The following FRK variants were observed in gnomAD, a reference collection of about 807,000 sequenced individuals.
FRK encodes the protein tyrosine-protein kinase FRK.
Under a neutral mutation model 56.4 loss-of-function variants are expected in FRK, and 51 were observed. That is an observed-to-expected ratio of 0.90 (90% CI 0.72 to 1.14). The LOEUF (loss-of-function observed/expected upper bound fraction) is 1.14. Among genes scored for constraint, FRK ranks in the 50% most tolerant of loss-of-function variants. The pLI is 0.00. For missense variants in FRK, 570 were observed against 601.4 expected (o/e 0.95, Z 0.55); for synonymous variants, 245 against 217.9 (o/e 1.12, Z -1.10).
At chr6:116,074,414 T>C in the FRK span, among the ~76,000 whole-genome samples, 1 of 152,190 alleles carries the variant, frequency 6.6e-6, no homozygotes, top group Non-Finnish European at 1.5e-5. Flanking sequence ...TAATGAAATA[T>C]GCCATGCTTC....
At chr6:116,091,352 G>A in the FRK span, among the ~76,000 whole-genome samples, 1 of 152,158 alleles carries the variant, frequency 6.6e-6, no homozygotes, top group Non-Finnish European at 1.5e-5. Context: ...ATAAAAGCTG[G>A]CCACCCCAGC....
intron 1 of FRK, chr6:116,038,887 C>A: frequency 1.7e-6 from 1 of 576,160 alleles, no homozygotes; most frequent in East Asian, 4.4e-5. Flanking sequence ...GCACTCTCCC[C>A]ACTGCCTATA....
At chr6:116,002,362 T>C (rs1389346728) in intron 2 of FRK, among the ~76,000 whole-genome samples, 2 of 152,202 alleles carry the variant, frequency 1.3e-5, no homozygotes, top group Non-Finnish European at 2.9e-5. Flanking sequence ...CTCACGCCTG[T>C]AATCCCAGCA....
At chr6:115,958,692 G>GA (rs1451994725) in intron 4 of FRK, among the ~76,000 whole-genome samples, 23 of 15,068 alleles carry the variant, frequency 1.5e-3, no homozygotes, top group Admixed American at 2.8e-3. Flanking sequence ...AAGAAAGAAA[G>GA]AAAGAAAGAA....
the FRK span, among the ~76,000 whole-genome samples, chr6:116,079,585 T>C: frequency 6.6e-6 from 1 of 152,154 alleles, no homozygotes; most frequent in Non-Finnish European, 1.5e-5. Context: ...TTTATTATAT[T>C]GTTTAATAAA....
chr6:115,968,569 TTTTC>T lies in FRK; in HGVS notation c.630+3_630+6del. On this transcript the variant is annotated splice_donor_5th_base_variant and intron_variant, in intron 3 of 7. Transcript: ENST00000606080. ...AATAAAAAAACACAGCTTGAAAGCATTTTCACCTTTAAGCATGGTTTCCCCAGCT... is the reference window on the plus strand; with the variant it reads ...AATAAAAAAACACAGCTTGAAAGCATACCTTTAAGCATGGTTTCCCCAGCT... 1.2e-6 allele frequency: 2 copies of T among 1,605,896 alleles called. No homozygotes were observed. Among genetic ancestry groups the T allele is most frequent in the Non-Finnish European group, 1.7e-6 (2 of 1,177,240 alleles).
At position 116,060,159 on chromosome 6, in the gene FRK, A is replaced by G; in HGVS notation, c.153T>C (p.Phe51=). ...CCTCAGCAGTCCGAGCCTGGTAATC[A>G]AACAAAGCCACAAAGTAGTGGCCAT... ...QRHGHYFVAL[F]DYQARTAEDL... The change falls in exon 1 of 8, where the codon TTT becomes TTC. Residue 51 remains phenylalanine (F), a synonymous_variant. Coordinates refer to ENST00000606080, the MANE Select transcript of FRK (RefSeq NM_002031.3). 6.2e-7 allele frequency: 1 copy of G among 1,614,212 alleles called. No individual in the cohort carries two copies. The highest frequency in any genetic ancestry group is 2.2e-5 in the East Asian group (1 of 44,880).
intron 3 of FRK, 58 bp downstream of exon 3, chr6:115,968,518 A>C: frequency 6.4e-7 from 1 of 1,566,864 alleles, no homozygotes; most frequent in Non-Finnish European, 8.7e-7. Flanking sequence ...AAATACTCAG[A>C]TATCTGAAGG....
Position 115,936,943 on chromosome 6 carries a change from A to T in FRK, c.*5471T>A, listed in dbSNP as rs996457404. On this transcript the variant is annotated 3_prime_UTR_variant, in exon 8 of 8. Transcript: ENST00000606080. ...GAGAACATCCCCAACCTAGCAAGAC[A>T]GGTCAACATTCAAATTAAGGAAATA... 1 of 152,220 alleles carries T rather than the reference A, an allele frequency of 6.6e-6. No individual in the cohort carries two copies. The highest frequency in any genetic ancestry group is 1.5e-5 in the Non-Finnish European group (1 of 68,062). 9.4% of individuals were successfully genotyped at this position (152,220 alleles called of 1,614,324 possible).
chr6:115,967,715 T>A lies in FRK; in HGVS notation c.635A>T (p.Gln212Leu), dbSNP rs1773641913. Residue 212 changes from glutamine to leucine, a missense_variant, in exon 4 of 8, where the codon CAG becomes CTG. Transcript: ENST00000606080. ...VKLGKPCLKIQVPAPFDLSYK... is the reference protein window; with the variant it reads ...VKLGKPCLKILVPAPFDLSYK... The stretch of plus-strand genomic sequence containing the variant: ...CGACAAATCAAATGGAGCTGGGACC[T>A]GGATCTGTTTCATAGAATAATAAGA... The A allele has an allele frequency of 1.3e-6, 2 of 1,592,450 alleles. No individual in the cohort carries two copies. Among genetic ancestry groups the A allele is most frequent in the South Asian group, 1.1e-5 (1 of 87,614 alleles).
chr6:115,956,443 T>C lies in FRK; in HGVS notation c.958+9A>G, dbSNP rs1383541299. On this transcript the variant is annotated intron_variant, in intron 5 of 7. Coordinates refer to ENST00000606080, the MANE Select transcript of FRK (RefSeq NM_002031.3). Reference sequence around the variant, plus strand: ...CTCTTTTTTTCCTTGTATTAAGTCTTTAGCTTACTTTGGAGATATTCTTGC... The same window carrying C: ...CTCTTTTTTTCCTTGTATTAAGTCTCTAGCTTACTTTGGAGATATTCTTGC... The C allele has an allele frequency of 1.3e-6, 2 of 1,506,218 alleles. No homozygotes were observed. Among genetic ancestry groups the C allele is most frequent in the African/African-American group, 1.4e-5 (1 of 71,452 alleles). The allele number at this position is 1,506,218 out of a possible 1,614,324, so 93.3% of individuals were successfully genotyped here.
intron 1 of FRK, chr6:116,039,543 G>T: frequency 9.8e-7 from 1 of 1,022,764 alleles, no homozygotes; most frequent in Non-Finnish European, 1.6e-6. Flanking sequence ...GGACTAAGCA[G>T]CCCAGAAGCC....
the FRK span, among the ~76,000 whole-genome samples, chr6:116,094,040 C>A: frequency 6.6e-6 from 1 of 152,174 alleles, no homozygotes; most frequent in African/African-American, 2.4e-5. Flanking sequence ...CTCAGACAAA[C>A]AAACCTTGGT....
Position 116,003,937 on chromosome 6 carries a change from T to C in FRK, c.406A>G (p.Lys136Glu), listed in dbSNP as rs1305412124. 1 of 1,613,454 alleles carries C rather than the reference T, an allele frequency of 6.2e-7. No individual in the cohort carries two copies. Among genetic ancestry groups the C allele is most frequent in the African/African-American group, 1.3e-5 (1 of 75,030 alleles). The change falls in exon 2 of 8, where the codon AAG (lysine) becomes GAG (glutamate). Residue 136 changes from lysine (K) to glutamate (E), a missense_variant. By Grantham distance (56) the Lys-to-Glu change is moderately conservative. Transcript: ENST00000606080. ...TCTCTGATTAGAAAGGAACCGGTCT[T>C]GTTTTCTGAATATAATAGTTGTTTC... ...AEKQLLYSEN[K>E]TGSFLIRESE...
intron 1 of FRK, among the ~76,000 whole-genome samples, chr6:116,029,966 T>C (rs972464307): frequency 6.6e-6 from 1 of 152,206 alleles, no homozygotes; most frequent in African/African-American, 2.4e-5. Flanking sequence ...CCAGATCCTA[T>C]TTATTTTCTA....
intron 1 of FRK, among the ~76,000 whole-genome samples, chr6:116,026,508 G>A (rs1197761816): frequency 1.6e-5 from 2 of 124,786 alleles, no homozygotes; most frequent in Admixed American, 1.8e-4. Context: ...AGGAAGGAAG[G>A]AAGGAGGGAG....
rs180989691 is a variant in FRK at position 116,012,639 on chromosome 6, A to G, written c.345-8641T>C. 4.5e-4 allele frequency among the ~76,000 whole-genome samples: 68 copies of G among 152,354 alleles called. 1 individual carries two copies. The highest frequency in any genetic ancestry group is 1.6e-3 in the African/African-American group (67 of 41,588). Reference sequence around the variant, plus strand: ...GCTGTTAAATAAATACTTGTTGATGAAACATTAATACATTGTACTTCAATT... The same window carrying G: ...GCTGTTAAATAAATACTTGTTGATGGAACATTAATACATTGTACTTCAATT... On this transcript the variant is annotated intron_variant, in intron 1 of 7. Coordinates refer to ENST00000606080, the MANE Select transcript of FRK (RefSeq NM_002031.3).
rs568423726 is a variant in FRK, at chr6:116,054,375, C to A, written c.344+5593G>T. Among the ~76,000 whole-genome samples the A allele has an allele frequency of 6.1e-5, 9 of 146,762 alleles. No individual in the cohort carries two copies. The East Asian group carries it at 1.8e-3, about 29-fold the overall frequency. On this transcript the variant is annotated intron_variant, in intron 1 of 7. Coordinates refer to ENST00000606080, the MANE Select transcript of FRK (RefSeq NM_002031.3). ...TGATTAATCCAAAACACTTGATAAA[C>A]AACCATATGTATATTTATAGTGTAT...
chr6:115,956,605 T>C lies in FRK; in HGVS notation c.805A>G (p.Met269Val), dbSNP rs200172011. 2.1e-5 allele frequency: 32 copies of C among 1,550,606 alleles called. No homozygotes were observed. The highest frequency in any genetic ancestry group is 1.6e-4 in the Admixed American group (8 of 50,530). The change falls in exon 5 of 8, where the codon ATG becomes GTG. Residue 269 changes from methionine to valine, a missense_variant. Physicochemically the swap from Met to Val is conservative, Grantham distance 21. Transcript: ENST00000606080. ...VAVKTLKPGS[M>V]DPNDFLREAQ... Reference sequence around the variant, plus strand: ...TCCCTCAGGAAGTCATTTGGATCCATTGAACCTGAAACAAGAAGAGGGAGA... The same window carrying C: ...TCCCTCAGGAAGTCATTTGGATCCACTGAACCTGAAACAAGAAGAGGGAGA...
Sources: gnomAD v4.1 joint callset for allele counts (sites outside exome capture counted in the v4.1 genomes callset) on GRCh38, gnomAD v4.1.1 for gene constraint, MANE v1.5 for transcripts, NCBI Gene and HGNC (gene_info 2026-07-23, HGNC 2026-07-21) for gene names.